Variants in MINDY4 observed in about 807,000 individuals in gnomAD.
MINDY4 encodes MINDY lysine 48 deubiquitinase 4.
MINDY4 carries 68 observed loss-of-function variants against 87.0 expected under a neutral mutation model. The ratio of observed to expected loss-of-function variants is 0.78; its 90% CI spans 0.64 to 0.96. The LOEUF (loss-of-function observed/expected upper bound fraction) is 0.96, where lower values mean the gene tolerates loss of function less well. MINDY4 is among the 40% of genes least tolerant of loss of function. The probability of loss-of-function intolerance (pLI) is 0.00; values close to 1 mark genes in which losing one functional copy is unlikely to be tolerated. For missense variants in MINDY4, 919 were observed against 928.2 expected, an observed-to-expected ratio of 0.99 and a Z score of 0.13; for synonymous variants, 379 against 363.2, an observed-to-expected ratio of 1.04 and a Z score of -0.50.
intron 2 of MINDY4, among the ~76,000 whole-genome samples, chr7:30,778,891 C>T (rs1022224129): frequency 2.0e-5 from 3 of 152,166 alleles, no homozygotes; most frequent in Admixed American, 6.5e-5. Flanking sequence ...TTAAGAATAT[C>T]GTATCCAGTT....
intron 5 of MINDY4, among the ~76,000 whole-genome samples, chr7:30,816,117 C>G (rs1788141125): frequency 6.6e-6 from 1 of 151,822 alleles, no homozygotes; most frequent in South Asian, 2.1e-4. Context: ...TGAGCTGTAT[C>G]TAGGTGATCT....
chr7:30,882,109 A>T lies in MINDY4; in HGVS notation c.1972-72A>T. ...CCTCTCTGAGGTCAGCCCTGCCTTG[A>T]GTCAGACAGAAAAATGCCCGGACCC... On this transcript the variant is annotated intron_variant, in intron 15 of 17. Coordinates refer to ENST00000265299, the MANE Select transcript of MINDY4 (RefSeq NM_032222.3). 2.1e-6 allele frequency: 3 copies of T among 1,438,566 alleles called. No homozygotes were observed. The East Asian group carries it at 7.0e-5, about 33-fold the overall frequency. The allele number at this position is 1,438,566 out of a possible 1,614,324, so 89.1% of individuals were successfully genotyped here.
chr7:30,795,801 C>T lies in MINDY4; in HGVS notation c.1073+4227C>T, dbSNP rs1000373665. ...TTAAGAGGCCACCTGAATTCCTTGG[C>T]TCCCTTCCTTCACCTTTGAAGCCAG... On this transcript the variant is annotated intron_variant, in intron 5 of 17. Coordinates refer to ENST00000265299, the MANE Select transcript of MINDY4 (RefSeq NM_032222.3). Among the ~76,000 whole-genome samples, 63 of 152,336 alleles carry T rather than the reference C, an allele frequency of 4.1e-4. 1 individual carries two copies. Among genetic ancestry groups the T allele is most frequent in the African/African-American group, 1.4e-3 (60 of 41,568 alleles).
chr7:30,830,169 C>T (rs774744610), intron 6 of MINDY4, among the ~76,000 whole-genome samples: 1 of 152,100 alleles, frequency 6.6e-6, no homozygotes, highest in Non-Finnish European at 1.5e-5. Context: ...TACTTTGGTT[C>T]GATTCAGTAA....
chr7:30,850,377 G>T, intron 9 of MINDY4, 77 bp from the exon 10 acceptor site: 2 of 1,370,782 alleles, frequency 1.5e-6, no homozygotes, highest in Non-Finnish European at 2.0e-6. Flanking sequence ...GGGACTGCCT[G>T]ACCACACTAA....
intron 5 of MINDY4, among the ~76,000 whole-genome samples, chr7:30,807,703 A>G (rs554693984): frequency 2.4e-4 from 37 of 152,350 alleles, no homozygotes; most frequent in African/African-American, 8.4e-4. Flanking sequence ...TCTATACATT[A>G]CAGACATTGT....
intron 5 of MINDY4, among the ~76,000 whole-genome samples, chr7:30,814,458 C>T (rs1237909326): frequency 6.6e-6 from 1 of 152,136 alleles, no homozygotes; most frequent in Non-Finnish European, 1.5e-5. Context: ...ATCACGTCAC[C>T]ATGGACCTGT....
intron 5 of MINDY4, among the ~76,000 whole-genome samples, chr7:30,794,829 C>T (rs140242076): frequency 4.5e-4 from 68 of 152,248 alleles, no homozygotes; most frequent in African/African-American, 1.4e-3. Context: ...CCTGACTGGG[C>T]AGTCCTCTAA....
chr7:30,798,535 C>T (rs572595593), intron 5 of MINDY4, among the ~76,000 whole-genome samples: 1 of 152,002 alleles, frequency 6.6e-6, no homozygotes, highest in African/African-American at 2.4e-5. Flanking sequence ...CTCGCTGTGT[C>T]GCCCAGGCTG....
intron 5 of MINDY4, among the ~76,000 whole-genome samples, chr7:30,812,884 C>G (rs1788045677): frequency 6.6e-6 from 1 of 152,192 alleles, no homozygotes; most frequent in African/African-American, 2.4e-5. Context: ...ACATTTCCAA[C>G]AGGAGATTGC....
intron 12 of MINDY4, among the ~76,000 whole-genome samples, chr7:30,853,976 G>C (rs952605438): frequency 1.3e-3 from 198 of 151,994 alleles, no homozygotes; most frequent in African/African-American, 4.3e-3. Flanking sequence ...GGGCTCTGGA[G>C]CCCCCCCGCC....
At chr7:30,812,730 C>G (rs540464892) in intron 5 of MINDY4, among the ~76,000 whole-genome samples, 3 of 152,334 alleles carry the variant, frequency 2.0e-5, no homozygotes, top group South Asian at 4.1e-4. Flanking sequence ...CTGCTGAGCC[C>G]TGGGAAGCTG....
At chr7:30,822,358 A>C (rs534880509) in intron 5 of MINDY4, among the ~76,000 whole-genome samples, 21 of 151,952 alleles carry the variant, frequency 1.4e-4, no homozygotes, top group Non-Finnish European at 2.5e-4. Context: ...TTTAGTAGAG[A>C]CAGGGTTTTG....
chr7:30,829,416 C>A (rs548075605), intron 6 of MINDY4, among the ~76,000 whole-genome samples: 1 of 152,330 alleles, frequency 6.6e-6, no homozygotes, highest in East Asian at 1.9e-4. Context: ...TGAGTGCTGC[C>A]AACATTTGCT....
intron 13 of MINDY4, among the ~76,000 whole-genome samples, chr7:30,867,959 C>T (rs569837558): frequency 6.6e-6 from 1 of 152,314 alleles, no homozygotes; most frequent in African/African-American, 2.4e-5. Flanking sequence ...AGTGAAGACA[C>T]AAGCTGAGAG....
intron 6 of MINDY4, among the ~76,000 whole-genome samples, chr7:30,836,185 C>T (rs919693955): frequency 1.3e-5 from 2 of 152,230 alleles, no homozygotes; most frequent in Non-Finnish European, 2.9e-5. Flanking sequence ...TGATTATATG[C>T]AATAATTATT....
chr7:30,863,098 A>G (rs1236454818), intron 13 of MINDY4, among the ~76,000 whole-genome samples: 2 of 151,902 alleles, frequency 1.3e-5, no homozygotes, highest in Non-Finnish European at 2.9e-5. Flanking sequence ...CAGCTTAAAA[A>G]CCTCGGGACC....
At chr7:30,771,641 C>G (rs2128163516) in intron 1 of MINDY4, 85 bp downstream of exon 1, 1 of 1,375,616 alleles carries the variant, frequency 7.3e-7, no homozygotes, top group Non-Finnish European at 9.9e-7. Context: ...TTTGCAGCTT[C>G]TGGGAGGGCG....
chr7:30,887,645 C>G (rs1790670850), intron 17 of MINDY4, among the ~76,000 whole-genome samples: 2 of 152,226 alleles, frequency 1.3e-5, no homozygotes, highest in East Asian at 3.9e-4. Context: ...AAGCAGGCGT[C>G]CAGGAGGAAC....
Sources: gnomAD v4.1 joint callset for allele counts (sites outside exome capture counted in the v4.1 genomes callset) on GRCh38, gnomAD v4.1.1 for gene constraint, MANE v1.5 for transcripts, NCBI Gene and HGNC (gene_info 2026-07-23, HGNC 2026-07-21) for gene names.